Variants in ACSBG2 observed in about 807,000 individuals in gnomAD.
ACSBG2 encodes the protein acyl-CoA synthetase bubblegum family member 2.
ACSBG2 carries 62 observed loss-of-function variants against 74.7 expected under a neutral mutation model. The ratio of observed to expected loss-of-function variants is 0.83; its 90% CI spans 0.68 to 1.03. The LOEUF is 1.03. Ranked by LOEUF, ACSBG2 falls within the 50% of genes least tolerant of loss-of-function variation. The pLI, the probability that ACSBG2 is intolerant of heterozygous loss-of-function variation, is 0.00. For missense variants in ACSBG2, 730 were observed against 817.6 expected, an observed-to-expected ratio of 0.89 and a Z score of 1.31; for synonymous variants, 309 against 294.1, an observed-to-expected ratio of 1.05 and a Z score of -0.52.
At chr19:6,136,885 G>A (rs1330607384) in intron 1 of ACSBG2, among the ~76,000 whole-genome samples, 1 of 152,052 alleles carries the variant, frequency 6.6e-6, no homozygotes, top group Non-Finnish European at 1.5e-5. Flanking sequence ...GTGAGCCTCC[G>A]CACCCGGCCG....
intron 3 of ACSBG2, 94 bp downstream of exon 3, chr19:6,147,769 A>G: frequency 7.2e-7 from 1 of 1,387,924 alleles, no homozygotes; most frequent in Non-Finnish European, 1.0e-6. Flanking sequence ...ACAAGGCACC[A>G]AAAGATACAA....
chr19:6,186,563 T>A (rs76261530), intron 11 of ACSBG2, among the ~76,000 whole-genome samples: 2,704 of 152,192 alleles, frequency 0.018, 53 homozygotes, highest in African/African-American at 0.045. Context: ...AGGAAAAAAA[T>A]AAAAAGCAAA....
In ACSBG2 at chr19:6,174,973, C is replaced by T. The variant is rs1229257982; in HGVS notation, c.739-2256C>T. On this transcript the variant is annotated intron_variant, in intron 7 of 14. Transcript: ENST00000588485. This position sits in a 1 kb window ranked among gnomAD's most constrained non-coding sequence, Gnocchi z 4.2. ...CACGAGGAAAATTTTGTCACTAACCCTTTTACAGATGAGAAAACTGAGGCT... is the reference window on the plus strand; with the variant it reads ...CACGAGGAAAATTTTGTCACTAACCTTTTTACAGATGAGAAAACTGAGGCT... 6.6e-6 allele frequency among the ~76,000 whole-genome samples: 1 copy of T among 152,162 alleles called. No individual in the cohort carries two copies. Among genetic ancestry groups the T allele is most frequent in the Non-Finnish European group, 1.5e-5 (1 of 68,032 alleles).
At chr19:6,140,165 C>T (rs1266479995) in intron 1 of ACSBG2, among the ~76,000 whole-genome samples, 1 of 148,326 alleles carries the variant, frequency 6.7e-6, no homozygotes, top group African/African-American at 2.5e-5. Flanking sequence ...GTGGAGCTTG[C>T]AGTGAGCCGA....
intron 4 of ACSBG2, among the ~76,000 whole-genome samples, chr19:6,154,464 T>C (rs1364565693): frequency 5.5e-5 from 8 of 145,958 alleles, no homozygotes; most frequent in Non-Finnish European, 1.2e-4. Context: ...AAATATATAA[T>C]ACATATAATA....
At chr19:6,162,044 T>C (rs2089638875) in intron 6 of ACSBG2, among the ~76,000 whole-genome samples, 1 of 152,100 alleles carries the variant, frequency 6.6e-6, no homozygotes, top group Non-Finnish European at 1.5e-5. Flanking sequence ...CAATTAGAAT[T>C]GCAGACTTCT....
chr19:6,181,044 TAAAA>T (rs113174172), intron 8 of ACSBG2, among the ~76,000 whole-genome samples: 2 of 100,030 alleles, frequency 2.0e-5, no homozygotes, highest in Admixed American at 1.1e-4. Context: ...CCGTCTCTAC[TAAAA>T]AAAAAAAAAA....
chr19:6,166,328 G>A (rs1156886313), intron 7 of ACSBG2, among the ~76,000 whole-genome samples: 1 of 137,392 alleles, frequency 7.3e-6, no homozygotes, highest in Non-Finnish European at 1.6e-5. Context: ...GTGTGTGTGT[G>A]TGTTTTGAGA....
Position 6,187,652 on chromosome 19 carries a change from C to T in ACSBG2, c.1734C>T (p.Ala578=). 6.2e-7 allele frequency: 1 copy of T among 1,614,040 alleles called. No individual in the cohort carries two copies. The highest frequency in any genetic ancestry group is 1.1e-5 in the South Asian group (1 of 91,062). ...CTCTGGACAAGCTGAACTTCGAGGC[C>T]ATCAACTTCTGTCGGGGTCTGGGCA... ...GEPLDKLNFE[A]INFCRGLGSQ... Residue 578 remains alanine (A), a synonymous_variant, in exon 13 of 15, where the codon GCC becomes GCT. Coordinates refer to ENST00000588485, the MANE Select transcript of ACSBG2 (RefSeq NM_030924.5).
intron 7 of ACSBG2, among the ~76,000 whole-genome samples, chr19:6,168,687 G>A (rs997173937): frequency 2.6e-5 from 4 of 152,136 alleles, no homozygotes; most frequent in East Asian, 1.9e-4. Flanking sequence ...CAGGCATTAT[G>A]AGCATAGATC....
rs78478791 is a variant in ACSBG2, at chr19:6,137,223, G to C, written c.-32+1314G>C. 9.3e-5 allele frequency: 13 copies of C among 139,626 alleles called. 1 individual carries two copies. Among genetic ancestry groups the C allele is most frequent in the East Asian group, 4.7e-4 (2 of 4,292 alleles). 8.6% of individuals were successfully genotyped at this position (139,626 alleles called of 1,614,324 possible). A position where few individuals can be genotyped will look rare whatever the true frequency, so the allele number is the denominator to read the frequency against. On this transcript the variant is annotated intron_variant, in intron 1 of 14. Coordinates refer to ENST00000588485, the MANE Select transcript of ACSBG2 (RefSeq NM_030924.5). ...GGTGGCGGGGTTGGGGGGGGGGGGG[G>C]GGCTTGCTTGAGGCCAGGAGTTCAA...
chr19:6,169,071 G>T (rs905782922), intron 7 of ACSBG2, among the ~76,000 whole-genome samples: 1 of 152,298 alleles, frequency 6.6e-6, no homozygotes, highest in Admixed American at 6.5e-5. Context: ...GAGCCATGGC[G>T]CCTGGCCAAT....
At chr19:6,143,839 T>C (rs2088933161) in intron 2 of ACSBG2, among the ~76,000 whole-genome samples, 1 of 152,180 alleles carries the variant, frequency 6.6e-6, no homozygotes, top group Non-Finnish European at 1.5e-5. Flanking sequence ...GCTTCCCTTG[T>C]TGTAAGTTGT....
chr19:6,186,876 T>C (rs1354642260), intron 11 of ACSBG2, among the ~76,000 whole-genome samples: 1 of 152,120 alleles, frequency 6.6e-6, no homozygotes, highest in African/African-American at 2.4e-5. Flanking sequence ...GGCTATTTTT[T>C]TGCAGAGACC....
Position 6,190,808 on chromosome 19 carries a change from T to TACAC in ACSBG2, c.*35+119_*35+120insCACA, listed in dbSNP as rs1161207580. Reference sequence around the variant, plus strand: ...TGCAGAAAACACACACATACACACATACATACACACACACACACACACACA... The same window carrying TACAC: ...TGCAGAAAACACACACATACACACATACACACATACACACACACACACACACACA... On this transcript the variant is annotated intron_variant, in intron 14 of 14. Transcript: ENST00000588485. 9.6e-4 allele frequency: 373 copies of TACAC among 387,448 alleles called. 2 individuals carry two copies. The highest frequency in any genetic ancestry group is 1.4e-3 in the Non-Finnish European group (292 of 212,596). 24.0% of individuals were successfully genotyped at this position (387,448 alleles called of 1,614,324 possible). A position where few individuals can be genotyped will look rare whatever the true frequency, so the allele number is the denominator to read the frequency against.
At chr19:6,139,087 AAC>A (rs1453646128) in intron 1 of ACSBG2, among the ~76,000 whole-genome samples, 1 of 106,026 alleles carries the variant, frequency 9.4e-6, no homozygotes, top group Non-Finnish European at 1.8e-5. Context: ...TTTAAAATTA[AAC>A]TTATTTTTTT....
intron 6 of ACSBG2, among the ~76,000 whole-genome samples, chr19:6,162,750 G>A (rs543242253): frequency 4.6e-5 from 7 of 152,038 alleles, no homozygotes; most frequent in African/African-American, 1.4e-4. Flanking sequence ...GCTGTCCGAC[G>A]CCCTGTAGGA....
chr19:6,187,287 C>T lies in ACSBG2; in HGVS notation c.1545C>T (p.Ile515=), dbSNP rs765149531. 3 of 1,614,138 alleles carry T rather than the reference C, an allele frequency of 1.9e-6. No individual in the cohort carries two copies. Among genetic ancestry groups the T allele is most frequent in the Non-Finnish European group, 2.5e-6 (3 of 1,180,020 alleles). ...FLYVTGHIKE[I]LITAGGENVP... ...CCAAGCCAAGCTCTGTTCCAGAAAT[C>T]CTTATCACTGCTGGTGGTGAAAATG... is the stretch of plus-strand genomic sequence containing the variant. Residue 515 remains isoleucine, a synonymous_variant, in exon 12 of 15, where the codon ATC becomes ATT. Coordinates refer to ENST00000588485, the MANE Select transcript of ACSBG2 (RefSeq NM_030924.5).
At chr19:6,152,070 A>C (rs2145058820) in intron 4 of ACSBG2, among the ~76,000 whole-genome samples, 1 of 152,310 alleles carries the variant, frequency 6.6e-6, no homozygotes, top group South Asian at 2.1e-4. Context: ...GTTTCTGATT[A>C]TGTGCAGAAG....
Sources: gnomAD v4.1 joint callset for allele counts (sites outside exome capture counted in the v4.1 genomes callset) on GRCh38, gnomAD v4.1.1 for gene constraint, Gnocchi (gnomAD v3.1) non-coding constraint, MANE v1.5 for transcripts, NCBI Gene and HGNC (gene_info 2026-07-23, HGNC 2026-07-21) for gene names.